Variants in FBXO16 observed in about 807,000 individuals in gnomAD.
FBXO16 encodes F-box protein 16, also known as F-box only protein 16.
In FBXO16, 31 loss-of-function variants were observed where a neutral mutation model predicts 41.0. The ratio of observed to expected loss-of-function variants is 0.76; its 90% confidence interval spans 0.57 to 1.02. The LOEUF is 1.02. Ranked by LOEUF, FBXO16 falls within the 50% of genes least tolerant of loss-of-function variation. FBXO16 has a pLI of 0.00. For missense variants in FBXO16, 361 were observed against 346.2 expected (o/e 1.04, Z -0.34); for synonymous variants, 133 against 117.8 (o/e 1.13, Z -0.84).
chr8:28,446,326 C>T (rs1802863231), intron 7 of FBXO16, among the ~76,000 whole-genome samples: 1 of 151,382 alleles, frequency 6.6e-6, no homozygotes, highest in East Asian at 2.0e-4. Flanking sequence ...GCATGTGCCA[C>T]CACGCCCAGC....
At chr8:28,428,773 T>C (rs1389579507) in intron 8 of FBXO16, 37 bp from the exon 9 acceptor site, 1 of 1,478,192 alleles carries the variant, frequency 6.8e-7, no homozygotes, top group Non-Finnish European at 9.0e-7. Context: ...GCGAGGGTTA[T>C]TGAAATACCA....
At chr8:28,466,673 T>C (rs1367732141) in intron 3 of FBXO16, among the ~76,000 whole-genome samples, 2 of 149,986 alleles carry the variant, frequency 1.3e-5, no homozygotes, top group African/African-American at 4.9e-5. Flanking sequence ...CAGGCGCCTG[T>C]AGTCCCAGTT....
In FBXO16 at chr8:28,452,520, G is replaced by T. The variant is rs749245600; in HGVS notation, c.508-44C>A. ...TTATGTTCTCAAAACACTATAATAC[G>T]CTGGGTGCGGTGGCTCACGCCTGTA... On this transcript the variant is annotated intron_variant, in intron 5 of 8. Coordinates refer to ENST00000380254, the MANE Select transcript of FBXO16 (RefSeq NM_172366.4). 2.5e-5 allele frequency: 39 copies of T among 1,584,680 alleles called. No individual in the cohort carries two copies. In the Admixed American group the frequency reaches 6.4e-4, roughly 26 times the overall value.
At chr8:28,459,328 G>A (rs905751865) in intron 4 of FBXO16, among the ~76,000 whole-genome samples, 23 of 151,940 alleles carry the variant, frequency 1.5e-4, no homozygotes, top group Admixed American at 1.5e-3. Context: ...GCATAATAAT[G>A]CATCATAGGC....
At chr8:28,457,371 T>A (rs961912448) in intron 4 of FBXO16, among the ~76,000 whole-genome samples, 1 of 152,198 alleles carries the variant, frequency 6.6e-6, no homozygotes, top group Non-Finnish European at 1.5e-5. Context: ...GTGTGCTTCC[T>A]TTTCCCTTGT....
At chr8:28,482,501 T>C (rs1488149519) in intron 2 of FBXO16, among the ~76,000 whole-genome samples, 2 of 152,152 alleles carry the variant, frequency 1.3e-5, no homozygotes, top group African/African-American at 4.8e-5. Flanking sequence ...TCCACCGTGA[T>C]CCTTTAGTGT....
intron 3 of FBXO16, among the ~76,000 whole-genome samples, chr8:28,468,153 G>C (rs999347499): frequency 2.0e-5 from 3 of 152,188 alleles, no homozygotes; most frequent in Non-Finnish European, 4.4e-5. Flanking sequence ...TAACTGAGTA[G>C]CCAGGGACCT....
chr8:28,464,226 C>G (rs546955594), intron 3 of FBXO16, among the ~76,000 whole-genome samples: 2 of 152,308 alleles, frequency 1.3e-5, no homozygotes, highest in African/African-American at 4.8e-5. Flanking sequence ...TCCTTGTATT[C>G]ACAATTGGAG....
In FBXO16 at chr8:28,428,525, C is replaced by T; in HGVS notation, c.*202G>A. The T allele has an allele frequency of 4.6e-6, 7 of 1,530,080 alleles. 1 individual carries two copies. The South Asian group carries it at 8.5e-5, about 19-fold the overall frequency. 94.8% of individuals were successfully genotyped at this position (1,530,080 alleles called of 1,614,324 possible). On this transcript the variant is annotated 3_prime_UTR_variant, in exon 9 of 9. Coordinates refer to ENST00000380254, the MANE Select transcript of FBXO16 (RefSeq NM_172366.4). ...AAATTCAGCTCTCCACTGTGCAAAG[C>T]ATCTTGTCATTTCTATAATAAAAGT... is the stretch of plus-strand genomic sequence containing the variant.
rs139754921 is a variant in FBXO16 at position 28,429,839 on chromosome 8, C to T, written c.844-436G>A. ...GGAAGCTCCACACCTGCCTGAAGTG[C>T]TCTCTGCAGTCCTCCCGTAAGTCTA... On this transcript the variant is annotated intron_variant, in intron 7 of 8. Coordinates refer to ENST00000380254, the MANE Select transcript of FBXO16 (RefSeq NM_172366.4). 5.3e-4 allele frequency among the ~76,000 whole-genome samples: 80 copies of T among 152,308 alleles called. No individual in the cohort carries two copies. The East Asian group carries it at 0.014, about 28-fold the overall frequency.
chr8:28,484,073 G>C (rs1374820384), intron 1 of FBXO16, among the ~76,000 whole-genome samples: 1 of 152,168 alleles, frequency 6.6e-6, no homozygotes, highest in Non-Finnish European at 1.5e-5. Flanking sequence ...GGTGTAACTG[G>C]TAGTCAGACC....
At chr8:28,475,365 T>A (rs989736178) in intron 2 of FBXO16, among the ~76,000 whole-genome samples, 2 of 152,186 alleles carry the variant, frequency 1.3e-5, no homozygotes, top group Admixed American at 1.3e-4. Context: ...AGACAGACAC[T>A]TTTTGCACAT....
At position 28,452,834 on chromosome 8, in the gene FBXO16, A is replaced by T. The variant is rs145958705; in HGVS notation, c.508-358T>A. Among the ~76,000 whole-genome samples, 935 of 152,188 alleles carry T rather than the reference A, an allele frequency of 6.1e-3. 5 individuals carry two copies. Among genetic ancestry groups the T allele is most frequent in the African/African-American group, 0.022 (898 of 41,520 alleles). The stretch of plus-strand genomic sequence containing the variant: ...AAAACAAAACAAAACAAACAAACAA[A>T]AAAACCACACACTATAATAATAATA... On this transcript the variant is annotated intron_variant, in intron 5 of 8. Transcript: ENST00000380254.
intron 3 of FBXO16, among the ~76,000 whole-genome samples, chr8:28,471,041 G>GTGT (rs1803326487): frequency 1.3e-5 from 2 of 152,168 alleles, no homozygotes; most frequent in African/African-American, 2.4e-5. Context: ...TTCTCCTGTG[G>GTGT]TGTTCTCTCT....
At chr8:28,446,132 G>C (rs1585897242) in intron 7 of FBXO16, among the ~76,000 whole-genome samples, 1 of 128,988 alleles carries the variant, frequency 7.8e-6, no homozygotes, top group African/African-American at 2.8e-5. Context: ...GAAGGGAAAA[G>C]TTCTTAATTC....
At chr8:28,440,035 C>CG (rs1554524677) in intron 7 of FBXO16, among the ~76,000 whole-genome samples, 16 of 150,726 alleles carry the variant, frequency 1.1e-4, no homozygotes, top group Non-Finnish European at 1.8e-4. Context: ...CTTCAGGCAT[C>CG]GGGGAGAAAG....
chr8:28,432,195 C>T (rs1802617045), intron 7 of FBXO16, among the ~76,000 whole-genome samples: 1 of 150,796 alleles, frequency 6.6e-6, no homozygotes, highest in South Asian at 2.1e-4. Context: ...TACACGAGGC[C>T]GGGTGCAGTG....
chr8:28,460,613 T>C (rs1246248712), intron 4 of FBXO16, among the ~76,000 whole-genome samples: 1 of 151,638 alleles, frequency 6.6e-6, no homozygotes, highest in Non-Finnish European at 1.5e-5. Context: ...ATAATAGAGA[T>C]GAGTTTTCAC....
chr8:28,488,487 A>C (rs1803638862), intron 1 of FBXO16, among the ~76,000 whole-genome samples: 1 of 149,368 alleles, frequency 6.7e-6, no homozygotes, highest in Non-Finnish European at 1.5e-5. Flanking sequence ...TATTTTTTGT[A>C]GAGATAAGGT....
Sources: gnomAD v4.1 joint callset for allele counts (sites outside exome capture counted in the v4.1 genomes callset) on GRCh38, gnomAD v4.1.1 for gene constraint, MANE v1.5 for transcripts, NCBI Gene and HGNC (gene_info 2026-07-23, HGNC 2026-07-21) for gene names.